CREBBP: variants seen among roughly 807,000 people sequenced by gnomAD.
CREBBP encodes CREB binding lysine acetyltransferase.
In CREBBP, 19 loss-of-function variants were observed where a neutral mutation model predicts 265.0. That is an observed-to-expected ratio of 0.07 (90% CI 0.05 to 0.11). The LOEUF is 0.11. Among genes scored for constraint, CREBBP ranks in the 10% least tolerant of loss-of-function variants. The pLI is 1.00. For missense variants in CREBBP, 2,525 were observed against 3,219.0 expected (o/e 0.78, Z 5.22); for synonymous variants, 1,457 against 1,223.7 (o/e 1.19, Z -3.98).
intron 1 of CREBBP, among the ~76,000 whole-genome samples, chr16:3,863,454 T>C (rs990589866): frequency 3.3e-5 from 5 of 151,930 alleles, no homozygotes; most frequent in Non-Finnish European, 7.4e-5. Flanking sequence ...AATACAAAAA[T>C]TAGCTGAGCG....
At chr16:3,818,223 A>G (rs2054074540) in intron 2 of CREBBP, among the ~76,000 whole-genome samples, 1 of 152,176 alleles carries the variant, frequency 6.6e-6, no homozygotes, top group East Asian at 1.9e-4. Context: ...ACTGCGACGC[A>G]GAACTTGACC....
chr16:3,879,103 C>T (rs2540041), intron 1 of CREBBP, among the ~76,000 whole-genome samples: 144,157 of 152,148 alleles, frequency 0.95, 68,757 homozygotes, highest in Middle Eastern at 1. Flanking sequence ...TGAACTTAAA[C>T]CTGCTGTTTA....
chr16:3,849,822 GGGACCCGAAT>G (rs1385712270), intron 2 of CREBBP, among the ~76,000 whole-genome samples: 1 of 152,084 alleles, frequency 6.6e-6, no homozygotes, highest in Admixed American at 6.6e-5. Flanking sequence ...TGTTTCCTCT[GGGACCCGAAT>G]GCCTGTGCTT....
Position 3,781,311 on chromosome 16 carries a change from A to G in CREBBP, c.1574-5T>C, listed in dbSNP as rs768957428. On this transcript the variant is annotated splice_region_variant and splice_polypyrimidine_tract_variant and intron_variant, in intron 6 of 30. Transcript: ENST00000262367. ...GAATGTTCATTGGATTATTTCCTTT[A>G]AAGACAGAAAAGAAATCAATCAACA... 24 of 1,609,186 alleles carry G rather than the reference A, an allele frequency of 1.5e-5. No homozygotes were observed. Among genetic ancestry groups the G allele is most frequent in the Non-Finnish European group, 2.0e-5 (23 of 1,176,134 alleles).
chr16:3,805,753 G>T (rs571606719), intron 3 of CREBBP, among the ~76,000 whole-genome samples: 1 of 152,316 alleles, frequency 6.6e-6, no homozygotes, highest in African/African-American at 2.4e-5. Context: ...TCCACAGTGG[G>T]ACAGCTGGTC....
chr16:3,792,186 A>G, intron 4 of CREBBP, 92 bp from the exon 5 acceptor site: 21 of 1,082,474 alleles, frequency 1.9e-5, no homozygotes, highest in Non-Finnish European at 3.0e-5. Context: ...TTCCATAAGA[A>G]AATGGTAACA....
intron 10 of CREBBP, 140 bp downstream of exon 10, chr16:3,777,863 GCAGGTGGT>G: frequency 1.8e-6 from 2 of 1,113,444 alleles, no homozygotes; most frequent in South Asian, 2.6e-5. Flanking sequence ...ACAGCCTGAG[GCAGGTGGT>G]CAGGGCCACT....
chr16:3,812,203 G>A (rs1166005331), intron 2 of CREBBP, among the ~76,000 whole-genome samples: 3 of 152,058 alleles, frequency 2.0e-5, no homozygotes, highest in Admixed American at 6.5e-5. Context: ...TTTTTTGAGA[G>A]TGTGTCACTC....
Position 3,729,001 on chromosome 16 carries a change from T to C in CREBBP, c.6046A>G (p.Met2016Val), listed in dbSNP as rs1189648750. 2.5e-6 allele frequency: 4 copies of C among 1,594,588 alleles called. No individual in the cohort carries two copies. The African/African-American group carries it at 4.0e-5, about 16-fold the overall frequency. The change falls in exon 31 of 31, where the codon ATG becomes GTG. Residue 2016 changes from methionine to valine, a missense_variant. This residue lies in a region of CREBBP where 275 missense variants were observed against 276.5 expected (regional missense o/e 0.99). Coordinates refer to ENST00000262367, the MANE Select transcript of CREBBP (RefSeq NM_004380.3). ...NQVSGPVMPS[M>V]PPGQWQQAPL... ...GCCTGCTGCCACTGCCCGGGAGGCA[T>C]GCTGGGCATGACGGGCCCGCTCACC...
chr16:3,824,392 T>C (rs537828256), intron 2 of CREBBP, among the ~76,000 whole-genome samples: 4 of 152,316 alleles, frequency 2.6e-5, no homozygotes, highest in East Asian at 3.9e-4. Flanking sequence ...AAAAAAGTGG[T>C]AGGATGTGCA....
In CREBBP at chr16:3,744,919, T is replaced by C. The variant is rs1204415865; in HGVS notation, c.3957A>G (p.Arg1319=). Residue 1319 remains arginine (R), a synonymous_variant, in exon 23 of 31, where the codon CGA becomes CGG. Coordinates refer to ENST00000262367, the MANE Select transcript of CREBBP (RefSeq NM_004380.3). ...TCTTAGCACTGAATTTGTTTTCTTT[T>C]CGAGGTCTGCCAGTTTTCTTCAAGC... ...DNCLKKTGRP[R]KENKFSAKRL... 2 of 1,614,148 alleles carry C rather than the reference T, an allele frequency of 1.2e-6. No individual in the cohort carries two copies. The highest frequency in any genetic ancestry group is 2.2e-5 in the East Asian group (1 of 44,890).
At chr16:3,740,250 C>G (rs1158184301) in intron 24 of CREBBP, 149 bp downstream of exon 24, 5 of 861,324 alleles carry the variant, frequency 5.8e-6, no homozygotes, top group Non-Finnish European at 7.4e-6. Flanking sequence ...CCAGACAGGA[C>G]AACCGCAGCT....
At chr16:3,809,464 C>A in intron 3 of CREBBP, among the ~76,000 whole-genome samples, 1 of 152,186 alleles carries the variant, frequency 6.6e-6, no homozygotes, top group East Asian at 1.9e-4. Context: ...GTGTGAGCCA[C>A]CACGCCCGGC....
chr16:3,775,423 A>C (rs1015032247), intron 11 of CREBBP, among the ~76,000 whole-genome samples: 6 of 152,192 alleles, frequency 3.9e-5, no homozygotes, highest in African/African-American at 1.4e-4. Context: ...TGAGTTCTAA[A>C]GAAGCACCAG....
intron 27 of CREBBP, 41 bp from the exon 28 acceptor site, chr16:3,736,244 C>A: frequency 2.5e-6 from 4 of 1,593,622 alleles, no homozygotes; most frequent in Non-Finnish European, 3.4e-6. Flanking sequence ...GGGCCATGCA[C>A]GCGTGCCCCC....
intron 2 of CREBBP, among the ~76,000 whole-genome samples, chr16:3,845,930 T>C (rs1339475818): frequency 2.7e-5 from 3 of 111,322 alleles, no homozygotes; most frequent in African/African-American, 7.1e-5. Flanking sequence ...AGGAGAAAAA[T>C]ACAGGAAAAT....
At chr16:3,798,144 G>A (rs1266498001) in intron 3 of CREBBP, among the ~76,000 whole-genome samples, 1 of 152,196 alleles carries the variant, frequency 6.6e-6, no homozygotes, top group African/African-American at 2.4e-5. Context: ...GAAGGATGCA[G>A]GCAGCCTCCT....
chr16:3,817,696 A>G (rs908672106), intron 2 of CREBBP, among the ~76,000 whole-genome samples: 5 of 152,226 alleles, frequency 3.3e-5, no homozygotes, highest in Non-Finnish European at 7.3e-5. Flanking sequence ...GGTTTCTACA[A>G]TAGTAGCAAG....
chr16:3,875,424 T>C (rs934320943), intron 1 of CREBBP, among the ~76,000 whole-genome samples: 5 of 152,094 alleles, frequency 3.3e-5, no homozygotes, highest in African/African-American at 1.2e-4. Context: ...CGTTTCTCAT[T>C]CTCCCTGAGG....
Sources: allele counts gnomAD v4.1 joint callset (sites outside exome capture counted in the v4.1 genomes callset), GRCh38; gene constraint gnomAD v4.1.1; regional missense constraint gnomAD v4.1.1; transcripts MANE v1.5; gene names NCBI Gene and HGNC (gene_info 2026-07-23, HGNC 2026-07-21).